The following ATG10 variants were observed in gnomAD, a reference collection of about 807,000 sequenced individuals.
ATG10 encodes ubiquitin-like-conjugating enzyme ATG10.
ATG10 carries 30 observed loss-of-function variants against 32.1 expected under a neutral mutation model. The ratio of observed to expected loss-of-function variants is 0.94; its 90% confidence interval spans 0.70 to 1.27. The LOEUF is 1.27. Ranked by LOEUF, ATG10 falls within the 50% of genes most tolerant of loss-of-function variation. The pLI is 0.00. For synonymous variants in ATG10, 87 were observed against 91.5 expected, an observed-to-expected ratio of 0.95 and a Z score of 0.28; for missense variants, 233 against 262.3, an observed-to-expected ratio of 0.89 and a Z score of 0.77.
chr5:82,195,476 T>C (rs550471767), intron 5 of ATG10, among the ~76,000 whole-genome samples: 1 of 152,270 alleles, frequency 6.6e-6, no homozygotes, highest in African/African-American at 2.4e-5. Flanking sequence ...CCAGAGGAGA[T>C]CTTGGAGGGG....
chr5:81,983,029 C>T (rs976739007), intron 1 of ATG10, among the ~76,000 whole-genome samples: 2 of 152,358 alleles, frequency 1.3e-5, no homozygotes, highest in African/African-American at 2.4e-5. Flanking sequence ...TCCACAAAAC[C>T]GCCATTGTCA....
chr5:82,094,109 G>C (rs148009503), intron 3 of ATG10, among the ~76,000 whole-genome samples: 1 of 152,028 alleles, frequency 6.6e-6, no homozygotes, highest in Non-Finnish European at 1.5e-5. Context: ...ACCTCATCGC[G>C]GGAAGCCTTA....
chr5:82,082,393 C>A (rs1214669222), intron 3 of ATG10, among the ~76,000 whole-genome samples: 1 of 152,110 alleles, frequency 6.6e-6, no homozygotes, highest in Non-Finnish European at 1.5e-5. Context: ...TTTCTTATAT[C>A]TTCAAAATTT....
chr5:81,990,465 G>A (rs1163983368), intron 2 of ATG10, among the ~76,000 whole-genome samples: 2 of 152,202 alleles, frequency 1.3e-5, no homozygotes, highest in Admixed American at 1.3e-4. Flanking sequence ...TGTGTTTGAA[G>A]GGTGAGGAGG....
At chr5:82,063,648 A>G in intron 3 of ATG10, among the ~76,000 whole-genome samples, 1 of 151,960 alleles carries the variant, frequency 6.6e-6, no homozygotes, top group Non-Finnish European at 1.5e-5. Flanking sequence ...ACCCATCATC[A>G]TGCCTGGCTA....
chr5:82,009,674 C>G, intron 2 of ATG10: 1 of 1,585,744 alleles, frequency 6.3e-7, no homozygotes, highest in Non-Finnish European at 8.6e-7. Context: ...ACTCCATGAC[C>G]TCCACAATAT....
intron 1 of ATG10, chr5:81,973,013 G>A (rs1760769230): frequency 1.3e-5 from 2 of 152,188 alleles, no homozygotes; most frequent in South Asian, 4.1e-4. Context: ...TAGGGCCTAG[G>A]CTTTGTAGTT....
chr5:82,161,159 A>G (rs1246034613), intron 3 of ATG10, among the ~76,000 whole-genome samples: 1 of 152,212 alleles, frequency 6.6e-6, no homozygotes, highest in Admixed American at 6.5e-5. Context: ...AATGATGGAA[A>G]GATGCTAGCA....
intron 2 of ATG10, among the ~76,000 whole-genome samples, chr5:81,990,154 G>C (rs968696691): frequency 6.6e-6 from 1 of 152,132 alleles, no homozygotes; most frequent in African/African-American, 2.4e-5. Context: ...AATGTTAGGT[G>C]ATGATGATAA....
At chr5:81,974,990 C>T (rs903182462) in intron 1 of ATG10, among the ~76,000 whole-genome samples, 2 of 152,128 alleles carry the variant, frequency 1.3e-5, no homozygotes, top group Admixed American at 1.3e-4. Context: ...ACTGTAGGGC[C>T]CAGGCTCTGG....
intron 1 of ATG10, among the ~76,000 whole-genome samples, chr5:81,986,325 T>C (rs997139024): frequency 6.6e-6 from 1 of 152,232 alleles, no homozygotes; most frequent in Non-Finnish European, 1.5e-5. Context: ...CAGCATGCTG[T>C]AGACATGAGT....
At chr5:82,001,290 G>GTTTT (rs1761841490) in intron 2 of ATG10, among the ~76,000 whole-genome samples, 1 of 152,048 alleles carries the variant, frequency 6.6e-6, no homozygotes, top group South Asian at 2.1e-4. Context: ...CAGAGAATTA[G>GTTTT]AAAAAACAGT....
intron 5 of ATG10, among the ~76,000 whole-genome samples, chr5:82,211,259 T>C (rs1209108933): frequency 6.6e-6 from 1 of 152,210 alleles, no homozygotes; most frequent in African/African-American, 2.4e-5. Context: ...AATTATTATG[T>C]AGTACACATT....
chr5:81,993,396 T>TCTTTTCTTTTCTTTTCTTA lies in ATG10; in HGVS notation c.108+5718_108+5719insCTTTTCTTTTCTTTTCTTA, dbSNP rs1457131341. ...TTCTTTTCTTTTCTTTTCTTTTTTT[T>TCTTTTCTTTTCTTTTCTTA]TCTTTTCTTTTCTTTTCTTTTCTTT... is the stretch of plus-strand genomic sequence containing the variant. On this transcript the variant is annotated intron_variant, in intron 2 of 7. Transcript: ENST00000282185. Among the ~76,000 whole-genome samples the TCTTTTCTTTTCTTTTCTTA allele has an allele frequency of 3.2e-4, 42 of 130,394 alleles. 2 individuals carry two copies. Among genetic ancestry groups the TCTTTTCTTTTCTTTTCTTA allele is most frequent in the Non-Finnish European group, 5.6e-4 (35 of 63,058 alleles). The allele number at this position is 130,394 out of a possible 152,430, so 85.5% of individuals were successfully genotyped here.
At chr5:82,016,912 G>A (rs1286923877) in intron 2 of ATG10, among the ~76,000 whole-genome samples, 3 of 151,992 alleles carry the variant, frequency 2.0e-5, no homozygotes, top group Non-Finnish European at 2.9e-5. Context: ...GGATGGTCTC[G>A]AGCTCCTGAC....
intron 2 of ATG10, among the ~76,000 whole-genome samples, chr5:82,011,026 C>T (rs531243044): frequency 6.6e-6 from 1 of 152,218 alleles, no homozygotes; most frequent in Middle Eastern, 3.4e-3. Flanking sequence ...GTCTTTGGAC[C>T]ACTGCGTTCC....
chr5:82,048,700 A>C (rs1357349523), intron 2 of ATG10, among the ~76,000 whole-genome samples: 3 of 152,056 alleles, frequency 2.0e-5, no homozygotes, highest in Admixed American at 1.3e-4. Context: ...ACAAATTTAC[A>C]AGAAAAAAAC....
chr5:82,149,615 C>T (rs990355229), intron 3 of ATG10, among the ~76,000 whole-genome samples: 15 of 11,260 alleles, frequency 1.3e-3, no homozygotes, highest in African/African-American at 3.7e-3. Flanking sequence ...TTTATAAATA[C>T]TACTCTGCTG....
intron 2 of ATG10, among the ~76,000 whole-genome samples, chr5:82,007,668 G>A (rs1241216436): frequency 6.6e-6 from 1 of 151,966 alleles, no homozygotes; most frequent in African/African-American, 2.4e-5. Context: ...TGCCCATGCT[G>A]GTATCAAACT....
Sources: allele counts gnomAD v4.1 joint callset (sites outside exome capture counted in the v4.1 genomes callset), GRCh38; gene constraint gnomAD v4.1.1; transcripts MANE v1.5; gene names NCBI Gene and HGNC (gene_info 2026-07-23, HGNC 2026-07-21).